The following CSMD1 variants were observed in gnomAD, a reference collection of about 807,000 sequenced individuals.
CSMD1 encodes the protein CUB and sushi domain-containing protein 1.
CSMD1 carries 213 observed loss-of-function variants against 417.5 expected under a neutral mutation model. That is an observed-to-expected ratio of 0.51 (90% CI 0.46 to 0.57). The LOEUF is 0.57. Among genes scored for constraint, CSMD1 ranks in the 20% least tolerant of loss-of-function variants. CSMD1 has a pLI of 0.00. For synonymous variants in CSMD1, 2,862 were observed against 1,736.8 expected (o/e 1.65, Z -16.11); for missense variants, 6,923 against 4,529.7 (o/e 1.53, Z -15.17).
At chr8:4,366,105 G>T (rs1004026600) in intron 3 of CSMD1, among the ~76,000 whole-genome samples, 2 of 151,932 alleles carry the variant, frequency 1.3e-5, no homozygotes, top group Non-Finnish European at 2.9e-5. Context: ...GGTAGTACCC[G>T]GCACCTGTTG....
intron 10 of CSMD1, among the ~76,000 whole-genome samples, chr8:3,537,500 A>T (rs917349023): frequency 6.6e-6 from 1 of 152,218 alleles, no homozygotes; most frequent in Non-Finnish European, 1.5e-5. Flanking sequence ...AATTTAAGAC[A>T]TTGGTTCATA....
chr8:3,964,389 A>G (rs1812535992), intron 5 of CSMD1, among the ~76,000 whole-genome samples: 2 of 152,128 alleles, frequency 1.3e-5, no homozygotes, highest in African/African-American at 2.4e-5. Flanking sequence ...ATCAATTCCA[A>G]CGTATAATTT....
At chr8:4,205,663 G>C (rs1799936490) in intron 3 of CSMD1, among the ~76,000 whole-genome samples, 1 of 152,156 alleles carries the variant, frequency 6.6e-6, no homozygotes, top group South Asian at 2.1e-4. Context: ...AACGGCTGTT[G>C]TGGCTCATTT....
intron 1 of CSMD1, among the ~76,000 whole-genome samples, chr8:4,766,966 A>T (rs1812507491): frequency 6.6e-6 from 1 of 152,226 alleles, no homozygotes; most frequent in South Asian, 2.1e-4. Flanking sequence ...AGATAAGAAG[A>T]TAGTCTAAAA....
chr8:3,939,125 A>C (rs1179521020), intron 5 of CSMD1, among the ~76,000 whole-genome samples: 1 of 152,164 alleles, frequency 6.6e-6, no homozygotes, highest in Non-Finnish European at 1.5e-5. Context: ...AATTACAGAA[A>C]AACTGTTCTT....
intron 10 of CSMD1, chr8:3,515,455 G>A (rs11783295): frequency 6.6e-6 from 1 of 152,064 alleles, no homozygotes; most frequent in Non-Finnish European, 1.5e-5. Context: ...ATTTGCAAGA[G>A]AGGAATACAC....
chr8:3,782,162 C>T (rs527404184), intron 5 of CSMD1, among the ~76,000 whole-genome samples: 2 of 151,970 alleles, frequency 1.3e-5, no homozygotes, highest in African/African-American at 2.4e-5. Context: ...AGAAAACAAA[C>T]GAAGTCAAAG....
intron 3 of CSMD1, among the ~76,000 whole-genome samples, chr8:4,382,937 T>C (rs1294240775): frequency 6.6e-6 from 1 of 152,166 alleles, no homozygotes; most frequent in East Asian, 1.9e-4. Context: ...ACATTCATTT[T>C]ATCACCTAAG....
At chr8:4,288,817 C>G (rs146255579) in intron 3 of CSMD1, among the ~76,000 whole-genome samples, 1 of 152,128 alleles carries the variant, frequency 6.6e-6, no homozygotes, top group African/African-American at 2.4e-5. Context: ...AAAATCAAGT[C>G]CCATTACGTC....
chr8:3,725,446 G>T (rs1051865433), intron 6 of CSMD1, among the ~76,000 whole-genome samples: 1 of 152,152 alleles, frequency 6.6e-6, no homozygotes. Flanking sequence ...CAAAGCTGAA[G>T]GCGACTGTGG....
At position 3,307,790 on chromosome 8, in the gene CSMD1, T is replaced by C. The variant is rs971104109; in HGVS notation, c.3855A>G (p.Thr1285=). The change falls in exon 25 of 70, where the codon ACA becomes ACG. Residue 1285 remains threonine (T), a synonymous_variant. Transcript: ENST00000635120. ...AGCCAGGGGACAATATTCGTCCTGA[T>C]GTGGCTGCATGGATCTGACCACCAC... ...AECGGQIHAA[T]SGRILSPGYP... is the part of the protein sequence containing the mutation. 5.0e-6 allele frequency: 8 copies of C among 1,613,560 alleles called. No homozygotes were observed. In the East Asian group the frequency reaches 1.3e-4, roughly 27 times the overall value.
chr8:3,693,816 T>G (rs552459968), intron 7 of CSMD1, among the ~76,000 whole-genome samples: 1 of 151,128 alleles, frequency 6.6e-6, no homozygotes, highest in African/African-American at 2.4e-5. Flanking sequence ...GTGTGTTGTG[T>G]TTGTTATGGT....
At chr8:4,941,392 C>T (rs1008063075) in intron 1 of CSMD1, among the ~76,000 whole-genome samples, 1 of 152,052 alleles carries the variant, frequency 6.6e-6, no homozygotes, top group African/African-American at 2.4e-5. Flanking sequence ...TTTTGATGGT[C>T]TAAGATATTT....
chr8:3,973,397 A>C (rs1813213264), intron 5 of CSMD1, among the ~76,000 whole-genome samples: 1 of 152,204 alleles, frequency 6.6e-6, no homozygotes, highest in Admixed American at 6.5e-5. Context: ...TACTGTTGTC[A>C]CCTGTCACAC....
intron 1 of CSMD1, among the ~76,000 whole-genome samples, chr8:4,800,066 G>T (rs181347726): frequency 2.0e-5 from 3 of 152,272 alleles, no homozygotes; most frequent in Admixed American, 6.5e-5. Flanking sequence ...AAATTTGAAT[G>T]ATATAAAATT....
At position 3,508,579 on chromosome 8, in the gene CSMD1, G is replaced by A. The variant is rs568104107; in HGVS notation, c.1345-14853C>T. ...TAAGAATGAAAAGATTCAGATGAATGAACTGAGACACTTATTTTAGCGATG... is the reference window on the plus strand; with the variant it reads ...TAAGAATGAAAAGATTCAGATGAATAAACTGAGACACTTATTTTAGCGATG... On this transcript the variant is annotated intron_variant, in intron 10 of 69. Coordinates refer to ENST00000635120, the MANE Select transcript of CSMD1 (RefSeq NM_033225.6). Among the ~76,000 whole-genome samples, 55 of 152,112 alleles carry A rather than the reference G, an allele frequency of 3.6e-4. 1 individual carries two copies. The highest frequency in any genetic ancestry group is 1.3e-3 in the African/African-American group (54 of 41,466).
intron 5 of CSMD1, among the ~76,000 whole-genome samples, chr8:3,825,535 G>T (rs959865922): frequency 2.0e-5 from 3 of 152,078 alleles, no homozygotes; most frequent in Non-Finnish European, 4.4e-5. Context: ...GGGATGCAGG[G>T]GCAGGTTCAG....
chr8:3,582,451 G>A (rs1266353979), intron 9 of CSMD1, among the ~76,000 whole-genome samples: 2 of 152,106 alleles, frequency 1.3e-5, no homozygotes, highest in East Asian at 3.9e-4. Flanking sequence ...GTGTTCTACA[G>A]AGGGATGCCA....
chr8:3,899,136 C>T (rs1236477415), intron 5 of CSMD1, among the ~76,000 whole-genome samples: 2 of 152,114 alleles, frequency 1.3e-5, no homozygotes, highest in Non-Finnish European at 2.9e-5. Flanking sequence ...TGTTAGGTAA[C>T]AAGGACACAA....
Sources: allele counts gnomAD v4.1 joint callset (sites outside exome capture counted in the v4.1 genomes callset), GRCh38; gene constraint gnomAD v4.1.1; transcripts MANE v1.5; gene names NCBI Gene and HGNC (gene_info 2026-07-23, HGNC 2026-07-21).